Variants in DRG2 observed in about 807,000 individuals in gnomAD.
DRG2 encodes the protein developmentally-regulated GTP-binding protein 2.
A neutral mutation model predicts 53.4 loss-of-function variants in DRG2; 36 were observed. The ratio of observed to expected loss-of-function variants is 0.67; its 90% CI spans 0.52 to 0.89. The LOEUF (loss-of-function observed/expected upper bound fraction) is 0.89. DRG2 is among the 40% of genes least tolerant of loss of function. The probability of loss-of-function intolerance (pLI) is 0.00; values close to 1 mark genes in which losing one functional copy is unlikely to be tolerated. For missense variants in DRG2, 342 were observed against 481.2 expected (o/e 0.71, Z 2.71); for synonymous variants, 167 against 192.1 (o/e 0.87, Z 1.08).
At position 18,100,334 on chromosome 17, in the gene DRG2, G is replaced by C; in HGVS notation, c.468-29G>C. On this transcript the variant is annotated intron_variant, in intron 5 of 12. Transcript: ENST00000225729. This position sits in a 1 kb window ranked among gnomAD's most constrained non-coding sequence, Gnocchi z 4.1. Reference sequence around the variant, plus strand: ...GTGCATCTGGCTCTGTGGACAGCCTGTGAGGGGCTTAAGGGGTACTCTTCC... The same window carrying C: ...GTGCATCTGGCTCTGTGGACAGCCTCTGAGGGGCTTAAGGGGTACTCTTCC... The C allele has an allele frequency of 6.2e-7, 1 of 1,612,530 alleles. No homozygotes were observed. Among genetic ancestry groups the C allele is most frequent in the Non-Finnish European group, 8.5e-7 (1 of 1,178,840 alleles).
At chr17:18,091,177 G>A (rs2045328130) in intron 1 of DRG2, among the ~76,000 whole-genome samples, 1 of 152,226 alleles carries the variant, frequency 6.6e-6, no homozygotes, top group Non-Finnish European at 1.5e-5. Context: ...AGCAGTCTGG[G>A]GAAGGGCGGA....
chr17:18,098,394 G>T lies in DRG2; in HGVS notation c.315+35G>T. On this transcript the variant is annotated intron_variant, in intron 3 of 12. Transcript: ENST00000225729. The surrounding 1 kb of genome is among the most constrained non-coding windows in gnomAD (Gnocchi z 4.1). ...TGTGCTGGGCCCAGAAGGAGAAGGG[G>T]CGCATGCTTGTGTTTGGACTTGTGC... 1 of 1,591,016 alleles carries T rather than the reference G, an allele frequency of 6.3e-7. No homozygotes were observed. Among genetic ancestry groups the T allele is most frequent in the Non-Finnish European group, 8.6e-7 (1 of 1,159,474 alleles).
chr17:18,090,627 G>A (rs780714312), intron 1 of DRG2, among the ~76,000 whole-genome samples: 3 of 151,236 alleles, frequency 2.0e-5, no homozygotes, highest in East Asian at 3.9e-4. Flanking sequence ...TTCGGACTCC[G>A]GACCTCAGTT....
Position 18,100,137 on chromosome 17 carries a change from G to A in DRG2, c.468-226G>A. 4 of 602,924 alleles carry A rather than the reference G, an allele frequency of 6.6e-6. No individual in the cohort carries two copies. The highest frequency in any genetic ancestry group is 1.2e-5 in the Non-Finnish European group (4 of 340,284). 37.3% of individuals were successfully genotyped at this position (602,924 alleles called of 1,614,324 possible). On this transcript the variant is annotated intron_variant, in intron 5 of 12. Transcript: ENST00000225729. This position sits in a 1 kb window ranked among gnomAD's most constrained non-coding sequence, Gnocchi z 4.1. ...CTCGCGGGGGCTCCACCACTTGCCT[G>A]TGCATGCCGACCGTAAACCGGGCCA...
intron 8 of DRG2, among the ~76,000 whole-genome samples, 153 bp downstream of exon 8, chr17:18,101,743 T>G (rs1031112155): frequency 5.3e-5 from 8 of 152,112 alleles, no homozygotes; most frequent in Non-Finnish European, 1.0e-4. Flanking sequence ...CTTGCAGACA[T>G]AGAGAGCTTG....
At chr17:18,089,266 T>C (rs974595112) in intron 1 of DRG2, among the ~76,000 whole-genome samples, 1 of 152,164 alleles carries the variant, frequency 6.6e-6, no homozygotes, top group Non-Finnish European at 1.5e-5. Context: ...AGCCTCCAAA[T>C]AGCTGGGATT....
chr17:18,090,406 A>ATATATATATATATAT (rs1555532983), intron 1 of DRG2, among the ~76,000 whole-genome samples: 1 of 22,702 alleles, frequency 4.4e-5, no homozygotes, highest in Non-Finnish European at 7.3e-5. Flanking sequence ...ATATATATAT[A>ATATATATATATATAT]TTTTTTTTTT....
rs2045593203 is a variant in DRG2 at position 18,104,512 on chromosome 17, G to A, written c.896-111G>A. ...GGATGTCAGGGGGAGGTTAGGCCAA[G>A]GCAAGGAGACCGAAAGGGCCTCTGT... On this transcript the variant is annotated intron_variant, in intron 10 of 12. Transcript: ENST00000225729. The A allele has an allele frequency of 2.5e-5, 39 of 1,556,792 alleles. No individual in the cohort carries two copies. The South Asian group carries it at 4.6e-4, about 18-fold the overall frequency.
At position 18,101,903 on chromosome 17, in the gene DRG2, C is replaced by T; in HGVS notation, c.730-18C>T. On this transcript the variant is annotated intron_variant, in intron 8 of 12. Coordinates refer to ENST00000225729, the MANE Select transcript of DRG2 (RefSeq NM_001388.5). ...TTGCTCCTGTCCTCAGCACCGGCCT[C>T]CACCTTCTCAATCTCAGGTTTATAA... The T allele has an allele frequency of 6.2e-7, 1 of 1,607,122 alleles. No homozygotes were observed. Among genetic ancestry groups the T allele is most frequent in the Non-Finnish European group, 8.5e-7 (1 of 1,176,088 alleles).
chr17:18,106,338 C>G (rs1597732708), intron 11 of DRG2, 95 bp from the exon 12 acceptor site: 2 of 1,450,958 alleles, frequency 1.4e-6, no homozygotes, highest in East Asian at 4.6e-5. Flanking sequence ...ACTCCTGCCT[C>G]TTGGCCTGTG....
At chr17:18,102,234 G>A (rs535113493) in intron 9 of DRG2, among the ~76,000 whole-genome samples, 1 of 152,376 alleles carries the variant, frequency 6.6e-6, no homozygotes, top group African/African-American at 2.4e-5. Flanking sequence ...GCCCATTCCA[G>A]TTCTGAATTG....
chr17:18,103,973 C>T lies in DRG2; in HGVS notation c.895+84C>T. On this transcript the variant is annotated intron_variant, in intron 10 of 12. Transcript: ENST00000225729. This position sits in a 1 kb window ranked among gnomAD's most constrained non-coding sequence, Gnocchi z 4.4. The stretch of plus-strand genomic sequence containing the variant: ...AGGCCGGTGTGTGGTGCCCAGAGAC[C>T]CCAGCACCGGCTCTGGCCTGGCTTG... The T allele has an allele frequency of 1.5e-6, 2 of 1,338,670 alleles. No homozygotes were observed. Among genetic ancestry groups the T allele is most frequent in the Admixed American group, 3.4e-5 (2 of 58,708 alleles). The allele number at this position is 1,338,670 out of a possible 1,614,324, so 82.9% of individuals were successfully genotyped here. A position where few individuals can be genotyped will look rare whatever the true frequency, so the allele number is the denominator to read the frequency against.
intron 9 of DRG2, 139 bp downstream of exon 9, chr17:18,102,136 A>G: frequency 1.1e-6 from 1 of 875,782 alleles, no homozygotes; most frequent in East Asian, 2.6e-5. Context: ...CACGGAGCCC[A>G]GGACTTCCTG....
intron 1 of DRG2, 118 bp from the exon 2 acceptor site, chr17:18,093,695 C>A: frequency 8.3e-7 from 1 of 1,211,744 alleles, no homozygotes; most frequent in Non-Finnish European, 1.1e-6. Context: ...TTTTTTTCTC[C>A]TGATCTCCTT....
chr17:18,100,589 C>T lies in DRG2; in HGVS notation c.561C>T (p.Ile187=), dbSNP rs539434977. The T allele has an allele frequency of 3.8e-5, 61 of 1,614,122 alleles. No homozygotes were observed. Among genetic ancestry groups the T allele is most frequent in the Non-Finnish European group, 5.1e-5 (60 of 1,180,058 alleles). ...IYFKPKKGGG[I]SFNSTVTLTQ... is the part of the protein sequence containing the mutation. The stretch of plus-strand genomic sequence containing the variant: ...TTCAGCCCAAGAAAGGTGGTGGCAT[C>T]TCCTTTAACTCGACAGTCACGCTGA... Residue 187 remains isoleucine, a synonymous_variant, in exon 7 of 13, where the codon ATC becomes ATT. Coordinates refer to ENST00000225729, the MANE Select transcript of DRG2 (RefSeq NM_001388.5). This position sits in a 1 kb window ranked among gnomAD's most constrained non-coding sequence, Gnocchi z 4.1.
intron 2 of DRG2, 164 bp downstream of exon 2, chr17:18,094,137 A>AT: frequency 5.5e-6 from 5 of 906,694 alleles, no homozygotes; most frequent in Non-Finnish European, 8.0e-6. Context: ...CCTAACATGG[A>AT]GGACGCTCTT....
In DRG2 at chr17:18,100,150, G is replaced by C; in HGVS notation, c.468-213G>C. On this transcript the variant is annotated intron_variant, in intron 5 of 12. Coordinates refer to ENST00000225729, the MANE Select transcript of DRG2 (RefSeq NM_001388.5). The surrounding 1 kb of genome is among the most constrained non-coding windows in gnomAD (Gnocchi z 4.1). Reference sequence around the variant, plus strand: ...CACCACTTGCCTGTGCATGCCGACCGTAAACCGGGCCAGTCCCCTCTGGGA... The same window carrying C: ...CACCACTTGCCTGTGCATGCCGACCCTAAACCGGGCCAGTCCCCTCTGGGA... The C allele has an allele frequency of 1.6e-6, 1 of 612,582 alleles. No homozygotes were observed. The highest frequency in any genetic ancestry group is 2.9e-6 in the Non-Finnish European group (1 of 347,670). 37.9% of individuals were successfully genotyped at this position (612,582 alleles called of 1,614,324 possible).
At chr17:18,101,225 G>T (rs1053477260) in intron 7 of DRG2, among the ~76,000 whole-genome samples, 2 of 152,236 alleles carry the variant, frequency 1.3e-5, no homozygotes, top group African/African-American at 4.8e-5. Flanking sequence ...CCCCTGAGGG[G>T]CTTTGGGGAT....
rs556804160 is a variant in DRG2, at chr17:18,098,168, G to C, written c.226-102G>C. The stretch of plus-strand genomic sequence containing the variant: ...AGGTCACCAAGCCGAGGGTGAGAGG[G>C]TCTCCTCCTGCTGCCTGCACCTGCA... On this transcript the variant is annotated intron_variant, in intron 2 of 12. Coordinates refer to ENST00000225729, the MANE Select transcript of DRG2 (RefSeq NM_001388.5). The surrounding 1 kb of genome is among the most constrained non-coding windows in gnomAD (Gnocchi z 4.1). The C allele has an allele frequency of 1.1e-6, 1 of 915,914 alleles. No homozygotes were observed. The highest frequency in any genetic ancestry group is 1.4e-5 in the South Asian group (1 of 70,506). 56.7% of individuals were successfully genotyped at this position (915,914 alleles called of 1,614,324 possible).
Sources: allele counts gnomAD v4.1 joint callset (sites outside exome capture counted in the v4.1 genomes callset), GRCh38; gene constraint gnomAD v4.1.1; non-coding constraint Gnocchi (gnomAD v3.1); transcripts MANE v1.5; gene names NCBI Gene and HGNC (gene_info 2026-07-23, HGNC 2026-07-21).